Variants in BANP observed in about 807,000 individuals in gnomAD.
BANP encodes the protein protein BANP.
In BANP, 11 loss-of-function variants were observed where a neutral mutation model predicts 68.1. The observed-to-expected ratio is 0.16, with a 90% CI of 0.10 to 0.27. BANP has a LOEUF of 0.27. Among genes scored for constraint, BANP ranks in the 10% least tolerant of loss-of-function variants. The pLI is 1.00. For missense variants in BANP, 504 were observed against 722.7 expected (o/e 0.70, Z 3.47); for synonymous variants, 329 against 303.2 (o/e 1.09, Z -0.88).
chr16:88,038,535 A>G (rs942988104), intron 11 of BANP, among the ~76,000 whole-genome samples: 2 of 141,224 alleles, frequency 1.4e-5, no homozygotes, highest in African/African-American at 5.4e-5. Context: ...GATGGTGGTC[A>G]TGTTTGCACA....
At chr16:87,985,048 G>A (rs752202555) in intron 4 of BANP, among the ~76,000 whole-genome samples, 8 of 151,368 alleles carry the variant, frequency 5.3e-5, no homozygotes, top group Non-Finnish European at 1.2e-4. Flanking sequence ...CGCCGGGGAG[G>A]ACATGTGGAC....
rs540086849 is a variant in BANP at position 88,067,855 on chromosome 16, G to A, written c.1377+2523G>A. Among the ~76,000 whole-genome samples the A allele has an allele frequency of 2.6e-5, 4 of 152,330 alleles. No homozygotes were observed. The East Asian group carries it at 7.7e-4, about 30-fold the overall frequency. On this transcript the variant is annotated intron_variant, in intron 12 of 13. Coordinates refer to ENST00000682872, the MANE Select transcript of BANP (RefSeq NM_001386991.1). The stretch of plus-strand genomic sequence containing the variant: ...TTCCTGCATGGTTACACCCTGAGAT[G>A]AGGGAACCCTGACGATGCTCCCGGC...
intron 1 of BANP, among the ~76,000 whole-genome samples, chr16:87,974,416 C>T (rs2145746483): frequency 6.6e-6 from 1 of 152,324 alleles, no homozygotes; most frequent in African/African-American, 2.4e-5. Flanking sequence ...CAGATGGTTC[C>T]TCCTTGGTCA....
At chr16:88,061,559 A>G (rs2086794810) in intron 11 of BANP, among the ~76,000 whole-genome samples, 1 of 152,226 alleles carries the variant, frequency 6.6e-6, no homozygotes, top group African/African-American at 2.4e-5. Context: ...AGGCTTAAGA[A>G]TGAGGATGTG....
chr16:87,988,089 A>G (rs975381667), intron 4 of BANP, among the ~76,000 whole-genome samples: 1 of 152,190 alleles, frequency 6.6e-6, no homozygotes, highest in African/African-American at 2.4e-5. Flanking sequence ...TAATCCCAGT[A>G]TGTCAATGAA....
At chr16:87,959,028 G>A (rs1004017785) in intron 1 of BANP, among the ~76,000 whole-genome samples, 1 of 152,224 alleles carries the variant, frequency 6.6e-6, no homozygotes, top group Non-Finnish European at 1.5e-5. Context: ...CTGGGGACTG[G>A]GTGGTGACAC....
At chr16:87,959,149 C>A (rs2058645757) in intron 1 of BANP, among the ~76,000 whole-genome samples, 1 of 152,218 alleles carries the variant, frequency 6.6e-6, no homozygotes, top group Non-Finnish European at 1.5e-5. Flanking sequence ...GTGTTTCTGG[C>A]CTTGTGGGGC....
At chr16:87,988,274 G>A (rs2064975284) in intron 4 of BANP, among the ~76,000 whole-genome samples, 1 of 151,968 alleles carries the variant, frequency 6.6e-6, no homozygotes, top group Non-Finnish European at 1.5e-5. Flanking sequence ...TTGGGACTCA[G>A]ATATTTTGAG....
intron 8 of BANP, among the ~76,000 whole-genome samples, chr16:88,029,806 C>T (rs148024727): frequency 4.1e-4 from 62 of 152,254 alleles, no homozygotes; most frequent in African/African-American, 1.2e-3. Context: ...AGGGAGATAC[C>T]GGGCAGAGAC....
intron 1 of BANP, among the ~76,000 whole-genome samples, chr16:87,961,369 G>A (rs1042388957): frequency 6.6e-6 from 1 of 151,380 alleles, no homozygotes; most frequent in Non-Finnish European, 1.5e-5. Context: ...TTGCTGTGTT[G>A]CCCGGGTTGG....
intron 1 of BANP, among the ~76,000 whole-genome samples, chr16:87,965,292 G>A (rs933941106): frequency 1.8e-4 from 28 of 152,164 alleles, no homozygotes; most frequent in Non-Finnish European, 2.6e-4. Context: ...GTGACAGCCC[G>A]ATGGGTGGGA....
chr16:88,011,914 A>T lies in BANP; in HGVS notation c.655+5649A>T, dbSNP rs188181957. Among the ~76,000 whole-genome samples the T allele has an allele frequency of 2.6e-5, 4 of 152,318 alleles. No homozygotes were observed. In the East Asian group the frequency reaches 7.7e-4, roughly 29 times the overall value. ...ATGGGAATGGAGGTTCTTTTGAAGC[A>T]TCCGTTATGTGATATCGTAGACATC... On this transcript the variant is annotated intron_variant, in intron 6 of 13. Transcript: ENST00000682872.
chr16:88,031,318 A>G (rs1201077640), intron 8 of BANP, among the ~76,000 whole-genome samples: 1 of 152,220 alleles, frequency 6.6e-6, no homozygotes, highest in African/African-American at 2.4e-5. Flanking sequence ...TAGTGTAGCT[A>G]GGCAATTTCT....
intron 9 of BANP, among the ~76,000 whole-genome samples, chr16:88,033,798 C>A (rs1247607580): frequency 6.6e-6 from 1 of 152,200 alleles, no homozygotes; most frequent in East Asian, 1.9e-4. Flanking sequence ...GGTTTTGTGA[C>A]CCAAGCTGTG....
intron 1 of BANP, among the ~76,000 whole-genome samples, chr16:87,961,335 C>T (rs377755338): frequency 6.7e-6 from 1 of 149,870 alleles, no homozygotes; most frequent in Non-Finnish European, 1.5e-5. Flanking sequence ...TTTATTTTTT[C>T]GTACTTTTTG....
chr16:88,048,325 A>G (rs757187073), intron 11 of BANP, among the ~76,000 whole-genome samples: 2 of 152,346 alleles, frequency 1.3e-5, no homozygotes, highest in South Asian at 2.1e-4. Flanking sequence ...TTGCAGCACA[A>G]TTGTAGAACT....
chr16:88,075,682 C>T (rs556246472), intron 13 of BANP, among the ~76,000 whole-genome samples: 35 of 150,716 alleles, frequency 2.3e-4, no homozygotes, highest in South Asian at 1.3e-3. Context: ...CCACCTGGGG[C>T]GTGTTCCGTG....
chr16:88,004,776 C>A lies in BANP; in HGVS notation c.479+365C>A, dbSNP rs2070479280. Among the ~76,000 whole-genome samples the A allele has an allele frequency of 6.6e-6, 1 of 152,218 alleles. No individual in the cohort carries two copies. The highest frequency in any genetic ancestry group is 1.9e-4 in the East Asian group (1 of 5,200). On this transcript the variant is annotated intron_variant, in intron 5 of 13. Transcript: ENST00000682872. The surrounding 1 kb of genome is among the most constrained non-coding windows in gnomAD (Gnocchi z 7.0). ...CAGAGCGTGTCAGGCAAACAGACGC[C>A]CTCTCCCACGGTTGCTAAGTGGTGC...
In BANP at chr16:88,076,885, G is replaced by A. The variant is rs1002648672; in HGVS notation, c.*224G>A. 4.3e-5 allele frequency: 23 copies of A among 541,168 alleles called. No homozygotes were observed. The highest frequency in any genetic ancestry group is 2.9e-4 in the Admixed American group (8 of 27,610). The allele number at this position is 541,168 out of a possible 1,614,324, so 33.5% of individuals were successfully genotyped here. A position where few individuals can be genotyped will look rare whatever the true frequency, so the allele number is the denominator to read the frequency against. On this transcript the variant is annotated 3_prime_UTR_variant, in exon 14 of 14. Transcript: ENST00000682872. ...TCGTTTGAGTCCTGCTGTTGGTGTC[G>A]GAGCACGAGGGGAGGCACGGTGCGG...
Sources: gnomAD v4.1 joint callset for allele counts (sites outside exome capture counted in the v4.1 genomes callset) on GRCh38, gnomAD v4.1.1 for gene constraint, Gnocchi (gnomAD v3.1) non-coding constraint, MANE v1.5 for transcripts, NCBI Gene and HGNC (gene_info 2026-07-23, HGNC 2026-07-21) for gene names.